OGDH: variants seen among roughly 807,000 people sequenced by gnomAD.
OGDH encodes oxoglutarate dehydrogenase.
A neutral mutation model predicts 116.6 loss-of-function variants in OGDH; 38 were observed. The observed-to-expected ratio is 0.33, with a 90% CI of 0.25 to 0.43. OGDH has a LOEUF of 0.43. Among genes scored for constraint, OGDH ranks in the 20% least tolerant of loss-of-function variants. The pLI, the probability that OGDH is intolerant of heterozygous loss-of-function variation, is 1.00. For synonymous variants in OGDH, 488 were observed against 533.3 expected, an observed-to-expected ratio of 0.92 and a Z score of 1.17; for missense variants, 825 against 1,357.2, an observed-to-expected ratio of 0.61 and a Z score of 6.16.
intron 1 of OGDH, among the ~76,000 whole-genome samples, chr7:44,616,952 AGCTCTGG>A (rs1299989906): frequency 5.2e-4 from 64 of 122,816 alleles, no homozygotes; most frequent in Non-Finnish European, 1.0e-3. Flanking sequence ...CTCCTTTCGG[AGCTCTGG>A]AGTCTCACTC....
At chr7:44,666,635 C>A in intron 4 of OGDH, 101 bp from the exon 5 acceptor site, 1 of 496,458 alleles carries the variant, frequency 2.0e-6, no homozygotes. Flanking sequence ...TCTCTTTTTG[C>A]TCACCTGGGG....
At chr7:44,620,247 C>T (rs550837518) in intron 1 of OGDH, among the ~76,000 whole-genome samples, 330 of 152,366 alleles carry the variant, frequency 2.2e-3, no homozygotes, top group African/African-American at 7.7e-3. Context: ...TCTCGAACCC[C>T]TGACCTCAAG....
At chr7:44,607,702 T>TTTG (rs1286458441) in intron 1 of OGDH, among the ~76,000 whole-genome samples, 1 of 152,164 alleles carries the variant, frequency 6.6e-6, no homozygotes, top group Non-Finnish European at 1.5e-5. Context: ...ATGCTCATTT[T>TTTG]TTGTTGTTGT....
intron 10 of OGDH, among the ~76,000 whole-genome samples, chr7:44,685,433 G>T (rs1296991402): frequency 6.6e-6 from 1 of 152,136 alleles, no homozygotes; most frequent in Non-Finnish European, 1.5e-5. Flanking sequence ...CCACGTTATA[G>T]CATGTGTTAG....
chr7:44,643,919 A>T (rs550209853), intron 2 of OGDH, among the ~76,000 whole-genome samples: 1 of 152,258 alleles, frequency 6.6e-6, no homozygotes, highest in African/African-American at 2.4e-5. Context: ...TTTTAAACTG[A>T]TGTTTTGCCA....
rs182222285 is a variant in OGDH at position 44,700,905 on chromosome 7, A to G, written c.2559+636A>G. Among the ~76,000 whole-genome samples the G allele has an allele frequency of 5.3e-5, 8 of 152,300 alleles. No homozygotes were observed. The South Asian group carries it at 6.2e-4, about 12-fold the overall frequency. ...ACAGCGGGCACTTGCAGTCCCAGCT[A>G]CTTAGGAGGCTGAGGCAGGAGAATA... On this transcript the variant is annotated intron_variant, in intron 19 of 22. Transcript: ENST00000222673.
chr7:44,640,794 T>C (rs1322917385), intron 2 of OGDH, among the ~76,000 whole-genome samples: 1 of 152,174 alleles, frequency 6.6e-6, no homozygotes, highest in Non-Finnish European at 1.5e-5. Context: ...AGTAAGTGTC[T>C]ACAGCTAGAC....
chr7:44,642,149 C>G lies in OGDH; in HGVS notation c.223-3178C>G, dbSNP rs560806836. On this transcript the variant is annotated intron_variant, in intron 2 of 22. Transcript: ENST00000222673. ...AGGAAAGTTTAGGCCCAGATGGTGG[C>G]TCATGCCTATAATCCTTGCACTTTG... Among the ~76,000 whole-genome samples, 1,085 of 152,254 alleles carry G rather than the reference C, an allele frequency of 7.1e-3. 10 individuals carry two copies. Among genetic ancestry groups the G allele is most frequent in the African/African-American group, 0.025 (1,023 of 41,524 alleles).
chr7:44,613,605 C>T (rs112229642), intron 1 of OGDH, among the ~76,000 whole-genome samples: 57 of 151,554 alleles, frequency 3.8e-4, no homozygotes, highest in African/African-American at 1.3e-3. Flanking sequence ...GTGATCCACC[C>T]GTCTCGGCCT....
Position 44,681,745 on chromosome 7 carries a change from A to G in OGDH, c.1232A>G (p.Asp411Gly). Residue 411 changes from aspartate to glycine, a missense_variant, in exon 10 of 23, where the codon GAT becomes GGT. By Grantham distance (94) the Asp-to-Gly change is moderately conservative. Coordinates refer to ENST00000222673, the MANE Select transcript of OGDH (RefSeq NM_002541.4). ...KKVMSILLHG[D>G]AAFAGQGIVY... ...GTCATGTCCATCCTGTTGCATGGGG[A>G]TGCTGCATTTGCTGGCCAGGGCATT... 6.2e-7 allele frequency: 1 copy of G among 1,614,010 alleles called. No individual in the cohort carries two copies. Among genetic ancestry groups the G allele is most frequent in the Non-Finnish European group, 8.5e-7 (1 of 1,180,012 alleles).
chr7:44,655,329 G>A (rs902708650), intron 4 of OGDH, among the ~76,000 whole-genome samples: 15 of 152,200 alleles, frequency 9.9e-5, no homozygotes, highest in Non-Finnish European at 1.9e-4. Context: ...GTTGTCTTAA[G>A]AGCCACTTGG....
In OGDH at chr7:44,696,822, A is replaced by G. The variant is rs951816417; in HGVS notation, c.1901-92A>G. The G allele has an allele frequency of 2.8e-6, 4 of 1,435,032 alleles. No homozygotes were observed. In the African/African-American group the frequency reaches 4.3e-5, roughly 15 times the overall value. The allele number at this position is 1,435,032 out of a possible 1,614,324, so 88.9% of individuals were successfully genotyped here. ...AGGAACCCAGAAACTACGAGTAAAG[A>G]AGGCTCCGCTCTTGCCATGGGCACG... On this transcript the variant is annotated intron_variant, in intron 14 of 22. Coordinates refer to ENST00000222673, the MANE Select transcript of OGDH (RefSeq NM_002541.4).
In OGDH at chr7:44,667,889, G is replaced by A. The variant is rs150980555; in HGVS notation, c.633+1038G>A. The stretch of plus-strand genomic sequence containing the variant: ...GCTGGGGTCCTGCCTATCATGCAGA[G>A]TCTGAATCCTGACGTCCCTAACTAA... On this transcript the variant is annotated intron_variant, in intron 5 of 22. Transcript: ENST00000222673. Among the ~76,000 whole-genome samples, 22 of 152,262 alleles carry A rather than the reference G, an allele frequency of 1.4e-4. No homozygotes were observed. The East Asian group carries it at 2.7e-3, about 19-fold the overall frequency.
At chr7:44,647,425 C>A (rs374928966) in intron 3 of OGDH, 121 of 1,517,034 alleles carry the variant, frequency 8.0e-5, no homozygotes, top group Non-Finnish European at 1.0e-4. Flanking sequence ...TAATGACTTG[C>A]TTGTGTTATT....
intron 4 of OGDH, chr7:44,666,531 C>A: frequency 2.9e-6 from 1 of 339,632 alleles, no homozygotes; most frequent in Admixed American, 4.8e-5. Context: ...ACTCTAATAG[C>A]CTCAGCTTCT....
intron 4 of OGDH, among the ~76,000 whole-genome samples, chr7:44,663,541 G>A (rs565220006): frequency 1.3e-5 from 2 of 152,322 alleles, no homozygotes; most frequent in Admixed American, 6.5e-5. Flanking sequence ...GACTGAGGCG[G>A]GCAGATCATT....
intron 10 of OGDH, among the ~76,000 whole-genome samples, chr7:44,689,973 C>T (rs1383900239): frequency 6.6e-6 from 1 of 152,128 alleles, no homozygotes; most frequent in Non-Finnish European, 1.5e-5. Flanking sequence ...GTTTTACCTC[C>T]TATGCTTTCT....
At chr7:44,616,793 ATGTGTATATATATG>A (rs1260551200) in intron 1 of OGDH, among the ~76,000 whole-genome samples, 2 of 105,902 alleles carry the variant, frequency 1.9e-5, no homozygotes, top group African/African-American at 6.2e-5. Context: ...GCATATATAT[ATGTGTATATATATG>A]CATATATACG....
intron 18 of OGDH, 122 bp from the exon 19 acceptor site, chr7:44,700,019 A>G: frequency 9.2e-7 from 1 of 1,085,548 alleles, no homozygotes; most frequent in South Asian, 1.5e-5. Context: ...GTGGGAGATT[A>G]CAATTCAACA....
Sources: gnomAD v4.1 joint callset for allele counts (sites outside exome capture counted in the v4.1 genomes callset) on GRCh38, gnomAD v4.1.1 for gene constraint, MANE v1.5 for transcripts, NCBI Gene and HGNC (gene_info 2026-07-23, HGNC 2026-07-21) for gene names.